PBX3: variants seen among roughly 807,000 people sequenced by gnomAD.
The protein encoded by PBX3 is PBX homeobox 3.
PBX3 carries 14 observed loss-of-function variants against 48.5 expected under a neutral mutation model. The observed-to-expected ratio is 0.29, with a 90% CI of 0.19 to 0.45. The LOEUF (loss-of-function observed/expected upper bound fraction) is 0.45, where lower values mean the gene tolerates loss of function less well. Among genes scored for constraint, PBX3 ranks in the 20% least tolerant of loss-of-function variants. PBX3 has a pLI of 1.00. For synonymous variants in PBX3, 210 were observed against 200.3 expected (o/e 1.05, Z -0.41); for missense variants, 386 against 546.7 (o/e 0.71, Z 2.93).
intron 2 of PBX3, among the ~76,000 whole-genome samples, chr9:125,856,983 T>A (rs1004790454): frequency 2.6e-5 from 4 of 152,218 alleles, no homozygotes; most frequent in African/African-American, 9.6e-5. Flanking sequence ...TACAGTTTAA[T>A]TTCTTGAAAG....
At chr9:125,799,398 C>G (rs1837874720) in intron 2 of PBX3, among the ~76,000 whole-genome samples, 1 of 151,988 alleles carries the variant, frequency 6.6e-6, no homozygotes. Context: ...CCCAGCTACT[C>G]CGGAGGCTGA....
chr9:125,861,717 C>G (rs773810484), intron 2 of PBX3, among the ~76,000 whole-genome samples: 2 of 152,178 alleles, frequency 1.3e-5, no homozygotes, highest in Non-Finnish European at 2.9e-5. Flanking sequence ...AACCATTTAT[C>G]AAGGACCACA....
intron 2 of PBX3, among the ~76,000 whole-genome samples, chr9:125,757,669 GTATT>G (rs1190598971): frequency 2.6e-5 from 4 of 152,142 alleles, no homozygotes; most frequent in Non-Finnish European, 5.9e-5. Context: ...CTTCATGGAT[GTATT>G]TATTACCATT....
chr9:125,790,675 T>G (rs916699103), intron 2 of PBX3, among the ~76,000 whole-genome samples: 4 of 152,096 alleles, frequency 2.6e-5, no homozygotes, highest in Admixed American at 2.6e-4. Context: ...TTCCAGTGAT[T>G]CTTTTGCTTC....
intron 2 of PBX3, among the ~76,000 whole-genome samples, chr9:125,824,518 A>G (rs2132169630): frequency 6.6e-6 from 1 of 152,202 alleles, no homozygotes; most frequent in African/African-American, 2.4e-5. Context: ...GCTGTTTTCC[A>G]GGTGTCTCAA....
rs145662809 is a variant in PBX3, at chr9:125,768,174, A to C, written c.274+19551A>C. 4.1e-3 allele frequency among the ~76,000 whole-genome samples: 618 copies of C among 152,166 alleles called. 6 individuals carry two copies. The highest frequency in any genetic ancestry group is 0.014 in the African/African-American group (598 of 41,540). On this transcript the variant is annotated intron_variant, in intron 2 of 8. Coordinates refer to ENST00000373489, the MANE Select transcript of PBX3 (RefSeq NM_006195.6). ...TTTTTGGTAACTGTTTTGTTATTTC[A>C]TGTTGCTTTATAGGGATTTAATTTC...
chr9:125,964,669 G>A (rs918615519), intron 8 of PBX3, among the ~76,000 whole-genome samples: 1 of 152,184 alleles, frequency 6.6e-6, no homozygotes, highest in Non-Finnish European at 1.5e-5. Flanking sequence ...CAACTCTGCA[G>A]TGAATTAGAA....
chr9:125,787,971 G>C (rs1435030544), intron 2 of PBX3, among the ~76,000 whole-genome samples: 7 of 152,166 alleles, frequency 4.6e-5, no homozygotes, highest in Admixed American at 4.6e-4. Flanking sequence ...GAACTGTAAG[G>C]CTAGGTTGTT....
chr9:125,808,962 A>G (rs917135060), intron 2 of PBX3, among the ~76,000 whole-genome samples: 1 of 152,182 alleles, frequency 6.6e-6, no homozygotes, highest in African/African-American at 2.4e-5. Context: ...CCTTAGGAAC[A>G]CCAGACAGCA....
At chr9:125,808,018 CAGAT>C (rs974253162) in intron 2 of PBX3, among the ~76,000 whole-genome samples, 1 of 152,116 alleles carries the variant, frequency 6.6e-6, no homozygotes, top group African/African-American at 2.4e-5. Flanking sequence ...GATAGATAAA[CAGAT>C]AGATTGGATT....
intron 2 of PBX3, among the ~76,000 whole-genome samples, chr9:125,788,543 G>A (rs1457491117): frequency 6.6e-6 from 1 of 152,146 alleles, no homozygotes; most frequent in African/African-American, 2.4e-5. Context: ...TAATGTTCCT[G>A]GCATTTAAGA....
At position 125,803,188 on chromosome 9, in the gene PBX3, A is replaced by T. The variant is rs935403472; in HGVS notation, c.274+54565A>T. 3.5e-5 allele frequency among the ~76,000 whole-genome samples: 5 copies of T among 142,968 alleles called. No homozygotes were observed. In the Admixed American group the frequency reaches 3.7e-4, roughly 10 times the overall value. The allele number at this position is 142,968 out of a possible 152,430, so 93.8% of individuals were successfully genotyped here. A position where few individuals can be genotyped will look rare whatever the true frequency, so the allele number is the denominator to read the frequency against. ...CCCTCACTGCAAACTGCCTCAGGTG[A>T]TCCTCCCTCCCACCTCAGCTTCCTG... On this transcript the variant is annotated intron_variant, in intron 2 of 8. Coordinates refer to ENST00000373489, the MANE Select transcript of PBX3 (RefSeq NM_006195.6).
intron 3 of PBX3, among the ~76,000 whole-genome samples, chr9:125,922,992 T>C (rs1223380132): frequency 6.6e-6 from 1 of 152,254 alleles, no homozygotes; most frequent in African/African-American, 2.4e-5. Flanking sequence ...TTCTAATTAA[T>C]CATGTATGAA....
chr9:125,942,000 CA>C (rs1228872303), intron 5 of PBX3, among the ~76,000 whole-genome samples: 1 of 152,100 alleles, frequency 6.6e-6, no homozygotes, highest in East Asian at 1.9e-4. Context: ...GATTTAAAAA[CA>C]AAAATGAGAA....
intron 2 of PBX3, among the ~76,000 whole-genome samples, chr9:125,762,820 C>A (rs972473555): frequency 2.0e-5 from 3 of 151,560 alleles, no homozygotes; most frequent in Non-Finnish European, 2.9e-5. Context: ...CTAAAGCGGT[C>A]AAAAAAATCA....
intron 2 of PBX3, among the ~76,000 whole-genome samples, chr9:125,900,236 C>CT (rs35208067): frequency 1.5e-5 from 2 of 135,874 alleles, no homozygotes; most frequent in South Asian, 2.3e-4. Flanking sequence ...ACATCCCGCC[C>CT]TTTTTTTTTT....
chr9:125,825,561 T>C (rs953167429), intron 2 of PBX3, among the ~76,000 whole-genome samples: 2 of 152,152 alleles, frequency 1.3e-5, no homozygotes, highest in African/African-American at 4.8e-5. Flanking sequence ...TGCATTCTGT[T>C]GTGATGCCAT....
intron 5 of PBX3, among the ~76,000 whole-genome samples, chr9:125,960,025 A>G (rs1344160255): frequency 6.6e-6 from 1 of 152,218 alleles, no homozygotes; most frequent in African/African-American, 2.4e-5. Context: ...GAAGTTTGCA[A>G]AAGAAAGAAA....
At chr9:125,810,520 C>T (rs543422200) in intron 2 of PBX3, among the ~76,000 whole-genome samples, 1 of 152,168 alleles carries the variant, frequency 6.6e-6, no homozygotes, top group African/African-American at 2.4e-5. Flanking sequence ...ATTTCCACTT[C>T]TAAATGTCTT....
Sources: gnomAD v4.1 joint callset for allele counts (sites outside exome capture counted in the v4.1 genomes callset) on GRCh38, gnomAD v4.1.1 for gene constraint, MANE v1.5 for transcripts, NCBI Gene and HGNC (gene_info 2026-07-23, HGNC 2026-07-21) for gene names.